The following ITPK1 variants were observed in gnomAD, a reference collection of about 807,000 sequenced individuals.
ITPK1 encodes inositol 1,3,4-trisphosphate 5/6-kinase.
Under a neutral mutation model 45.3 loss-of-function variants are expected in ITPK1, and 21 were observed. The ratio of observed to expected loss-of-function variants is 0.46; its 90% CI spans 0.33 to 0.67. The LOEUF is 0.67. ITPK1 is among the 30% of genes least tolerant of loss of function. ITPK1 has a pLI of 0.02. For missense variants in ITPK1, 474 were observed against 573.5 expected (o/e 0.83, Z 1.77); for synonymous variants, 258 against 253.6 (o/e 1.02, Z -0.16).
chr14:92,939,785 C>G lies in ITPK1; in HGVS notation c.*1776G>C. 1 of 985,664 alleles carries G rather than the reference C, an allele frequency of 1.0e-6. No individual in the cohort carries two copies. The highest frequency in any genetic ancestry group is 1.2e-6 in the Non-Finnish European group (1 of 829,908). 61.1% of individuals were successfully genotyped at this position (985,664 alleles called of 1,614,324 possible). On this transcript the variant is annotated 3_prime_UTR_variant, in exon 11 of 11. Coordinates refer to ENST00000267615, the MANE Select transcript of ITPK1 (RefSeq NM_014216.6). Reference sequence around the variant, plus strand: ...GAAATTTTATTTTTAAAAGGTAAAGCTGTTTTATTAAACGTCTTTTAAGGA... The same window carrying G: ...GAAATTTTATTTTTAAAAGGTAAAGGTGTTTTATTAAACGTCTTTTAAGGA...
chr14:93,095,481 G>A (rs772161543), intron 2 of ITPK1, among the ~76,000 whole-genome samples: 1 of 138,156 alleles, frequency 7.2e-6, no homozygotes, highest in South Asian at 2.3e-4. Flanking sequence ...GGCAGCTGGA[G>A]GGATGGGAAG....
At chr14:93,066,301 CGTGCATGTGTGTGT>C (rs1284992178) in intron 3 of ITPK1, 1 of 450,718 alleles carries the variant, frequency 2.2e-6, no homozygotes, top group Non-Finnish European at 4.4e-6. Context: ...CGTGTGTGCG[CGTGCATGTGTGTGT>C]GTGTATGTGT....
At chr14:92,962,716 C>T (rs749200433) in intron 6 of ITPK1, 35 bp downstream of exon 6, 19 of 1,503,966 alleles carry the variant, frequency 1.3e-5, no homozygotes, top group African/African-American at 9.6e-5. Flanking sequence ...CGGTCTACAG[C>T]GCCTGCCCTC....
At position 92,946,465 on chromosome 14, in the gene ITPK1, C is replaced by T. The variant is rs150527709; in HGVS notation, c.767G>A (p.Arg256Gln). Reference protein sequence around the residue: ...ELDKIEGVFERPSDEVIRELS... With the variant: ...ELDKIEGVFEQPSDEVIRELS... The stretch of plus-strand genomic sequence containing the variant: ...CTCCCGGATGACCTCGTCGCTCGGC[C>T]GCTCGAACACGCCCTCGATCTTGTC... Residue 256 changes from arginine (R) to glutamine (Q), a missense_variant, in exon 10 of 11, where the codon CGG (arginine) becomes CAG (glutamine). Physicochemically the swap from Arg to Gln is conservative, Grantham distance 43 (BLOSUM62 1). Coordinates refer to ENST00000267615, the MANE Select transcript of ITPK1 (RefSeq NM_014216.6). 9.1e-5 allele frequency: 146 copies of T among 1,612,636 alleles called. No homozygotes were observed. Among genetic ancestry groups the T allele is most frequent in the African/African-American group, 5.2e-4 (39 of 74,942 alleles).
At chr14:93,005,037 G>A (rs534449623) in intron 4 of ITPK1, among the ~76,000 whole-genome samples, 9 of 152,246 alleles carry the variant, frequency 5.9e-5, no homozygotes, top group African/African-American at 2.2e-4. Flanking sequence ...GAGGAGTTTG[G>A]ACTTGACCCT....
At chr14:93,104,342 T>A (rs8009680) in intron 2 of ITPK1, among the ~76,000 whole-genome samples, 1 of 152,048 alleles carries the variant, frequency 6.6e-6, no homozygotes, top group Non-Finnish European at 1.5e-5. Flanking sequence ...TACAAAAATT[T>A]GCTGGGTGTG....
intron 4 of ITPK1, among the ~76,000 whole-genome samples, chr14:92,995,265 C>G (rs1032875360): frequency 4.6e-5 from 7 of 152,194 alleles, no homozygotes; most frequent in Non-Finnish European, 1.0e-4. Flanking sequence ...GCCCAGCCAG[C>G]CCCCCTGCCC....
At chr14:93,049,271 C>T (rs1889908172) in intron 3 of ITPK1, among the ~76,000 whole-genome samples, 1 of 152,234 alleles carries the variant, frequency 6.6e-6, no homozygotes, top group African/African-American at 2.4e-5. Flanking sequence ...GGAAGGCCTC[C>T]TGCATGCAGG....
rs573219588 is a variant in ITPK1, at chr14:92,948,961, C to T, written c.739-2468G>A. Among the ~76,000 whole-genome samples, 7 of 120,564 alleles carry T rather than the reference C, an allele frequency of 5.8e-5. No individual in the cohort carries two copies. In the East Asian group the frequency reaches 1.5e-3, roughly 25 times the overall value. 79.1% of individuals were successfully genotyped at this position (120,564 alleles called of 152,430 possible). On this transcript the variant is annotated intron_variant, in intron 9 of 10. Coordinates refer to ENST00000267615, the MANE Select transcript of ITPK1 (RefSeq NM_014216.6). Reference sequence around the variant, plus strand: ...GCCTACACCAGCGCATCTCCCACCCCGGCTTTGCAGGACACACAGGGCCCC... The same window carrying T: ...GCCTACACCAGCGCATCTCCCACCCTGGCTTTGCAGGACACACAGGGCCCC...
At chr14:93,095,223 C>G (rs902366278) in intron 2 of ITPK1, among the ~76,000 whole-genome samples, 2 of 152,188 alleles carry the variant, frequency 1.3e-5, no homozygotes, top group Admixed American at 1.3e-4. Flanking sequence ...CCATCTACCG[C>G]TGATTGGGGC....
At chr14:93,113,128 G>A (rs1364692170) in intron 2 of ITPK1, among the ~76,000 whole-genome samples, 2 of 152,228 alleles carry the variant, frequency 1.3e-5, no homozygotes, top group East Asian at 3.8e-4. Context: ...TCGGGTTCTA[G>A]AATGGCCCTG....
At chr14:93,100,005 G>C (rs1892245732) in intron 2 of ITPK1, among the ~76,000 whole-genome samples, 2 of 152,148 alleles carry the variant, frequency 1.3e-5, no homozygotes, top group African/African-American at 4.8e-5. Flanking sequence ...CCAGAAACAG[G>C]GAGCACGTCC....
At chr14:93,110,159 C>G (rs958073320) in intron 2 of ITPK1, among the ~76,000 whole-genome samples, 20 of 152,092 alleles carry the variant, frequency 1.3e-4, no homozygotes, top group Non-Finnish European at 2.2e-4. Context: ...TGAGGCAGTC[C>G]CTTCAATAGA....
intron 5 of ITPK1, among the ~76,000 whole-genome samples, chr14:92,989,621 G>T (rs1481684135): frequency 6.6e-6 from 1 of 152,168 alleles, no homozygotes; most frequent in Non-Finnish European, 1.5e-5. Flanking sequence ...TGGCAGAGTG[G>T]GCTGCTGATG....
At chr14:92,979,235 G>A (rs545219714) in intron 5 of ITPK1, among the ~76,000 whole-genome samples, 1 of 152,346 alleles carries the variant, frequency 6.6e-6, no homozygotes, top group Admixed American at 6.5e-5. Flanking sequence ...AATTGGGTCT[G>A]TTTAACCAAT....
Position 92,940,863 on chromosome 14 carries a change from C to T in ITPK1, c.*698G>A. ...GCAGTGCTGGCTTAGGGGAAGGAGA[C>T]CGCTGTGCAGGGCTAAATGGGACGT... On this transcript the variant is annotated 3_prime_UTR_variant, in exon 11 of 11. Transcript: ENST00000267615. 1 of 1,288,634 alleles carries T rather than the reference C, an allele frequency of 7.8e-7. No individual in the cohort carries two copies. The highest frequency in any genetic ancestry group is 1.5e-5 in the African/African-American group (1 of 65,966). The allele number at this position is 1,288,634 out of a possible 1,614,324, so 79.8% of individuals were successfully genotyped here. A position where few individuals can be genotyped will look rare whatever the true frequency, so the allele number is the denominator to read the frequency against.
intron 4 of ITPK1, 53 bp from the exon 5 acceptor site, chr14:92,994,050 A>G (rs556928579): frequency 8.5e-7 from 1 of 1,180,284 alleles, no homozygotes; most frequent in South Asian, 1.2e-5. Context: ...CCAGGTAGCA[A>G]CTCACCCCTC....
At chr14:93,100,595 C>T (rs999109959) in intron 2 of ITPK1, among the ~76,000 whole-genome samples, 1 of 151,644 alleles carries the variant, frequency 6.6e-6, no homozygotes, top group African/African-American at 2.4e-5. Flanking sequence ...ACAGACCAGG[C>T]CCTATTGGAC....
At chr14:92,959,434 C>T (rs1884932563) in intron 7 of ITPK1, among the ~76,000 whole-genome samples, 1 of 152,180 alleles carries the variant, frequency 6.6e-6, no homozygotes, top group Non-Finnish European at 1.5e-5. Context: ...CTGGGCAGGA[C>T]AGACGTGGAA....
Sources: allele counts gnomAD v4.1 joint callset (sites outside exome capture counted in the v4.1 genomes callset), GRCh38; gene constraint gnomAD v4.1.1; transcripts MANE v1.5; gene names NCBI Gene and HGNC (gene_info 2026-07-23, HGNC 2026-07-21).